Variants in GRIN2B observed in about 807,000 individuals in gnomAD.
The protein encoded by GRIN2B is glutamate receptor ionotropic, NMDA 2B.
GRIN2B carries 5 observed loss-of-function variants against 114.5 expected under a neutral mutation model. The observed-to-expected ratio is 0.04, with a 90% CI of 0.02 to 0.09. The LOEUF is 0.09. Among genes scored for constraint, GRIN2B ranks in the 10% least tolerant of loss-of-function variants. The pLI is 1.00. For missense variants in GRIN2B, 1,108 were observed against 1,943.5 expected (o/e 0.57, Z 8.08); for synonymous variants, 787 against 745.1 (o/e 1.06, Z -0.92).
At chr12:13,825,456 T>C (rs913444970) in intron 3 of GRIN2B, among the ~76,000 whole-genome samples, 6 of 146,824 alleles carry the variant, frequency 4.1e-5, no homozygotes, top group African/African-American at 9.9e-5. Flanking sequence ...TGGTAGATTT[T>C]ATATATATAT....
In GRIN2B at chr12:13,806,549, T is replaced by C. The variant is rs145568856; in HGVS notation, c.412-52634A>G. Among the ~76,000 whole-genome samples, 351 of 152,312 alleles carry C rather than the reference T, an allele frequency of 2.3e-3. 1 individual carries two copies. The highest frequency in any genetic ancestry group is 8.2e-3 in the African/African-American group (343 of 41,580). On this transcript the variant is annotated intron_variant, in intron 3 of 13. Coordinates refer to ENST00000609686, the MANE Select transcript of GRIN2B (RefSeq NM_000834.5). Reference sequence around the variant, plus strand: ...TTTGAGAAATGTCTTTTTGGGTCTGTTGCCCATTTTAAGTCAGGTTATTAG... The same window carrying C: ...TTTGAGAAATGTCTTTTTGGGTCTGCTGCCCATTTTAAGTCAGGTTATTAG...
At chr12:13,568,202 CTAGGAAGTAGGAGGAAG>C (rs1395410694) in intron 12 of GRIN2B, among the ~76,000 whole-genome samples, 1 of 152,040 alleles carries the variant, frequency 6.6e-6, no homozygotes, top group Non-Finnish European at 1.5e-5. Flanking sequence ...TCACCAGATG[CTAGGAAGTAGGAGGAAG>C]TAGGAAGAGG....
intron 4 of GRIN2B, among the ~76,000 whole-genome samples, chr12:13,735,496 T>A (rs1863161947): frequency 1.3e-5 from 2 of 152,226 alleles, no homozygotes; most frequent in Non-Finnish European, 1.5e-5. Flanking sequence ...GGAGTCAACC[T>A]CCTTTTCCCT....
At chr12:13,966,024 G>T (rs980661907) in intron 2 of GRIN2B, among the ~76,000 whole-genome samples, 1 of 152,192 alleles carries the variant, frequency 6.6e-6, no homozygotes, top group Non-Finnish European at 1.5e-5. Context: ...CTGCAGAGGA[G>T]AAAGAGCCCC....
intron 10 of GRIN2B, among the ~76,000 whole-genome samples, chr12:13,594,992 C>A (rs996184186): frequency 1.3e-5 from 2 of 152,142 alleles, no homozygotes; most frequent in African/African-American, 4.8e-5. Context: ...CACACAGAGT[C>A]CCAGCATGAC....
chr12:13,679,349 T>G (rs1950107688), intron 4 of GRIN2B, among the ~76,000 whole-genome samples: 2 of 152,176 alleles, frequency 1.3e-5, no homozygotes, highest in Non-Finnish European at 2.9e-5. Context: ...GTGTACAAGT[T>G]GAGAAATTTG....
At chr12:13,858,377 C>T (rs941095335) in intron 3 of GRIN2B, among the ~76,000 whole-genome samples, 2 of 152,084 alleles carry the variant, frequency 1.3e-5, no homozygotes, top group African/African-American at 4.8e-5. Context: ...AAATAACCAC[C>T]TTTAATGTTA....
At chr12:13,863,355 T>A (rs1865778229) in intron 3 of GRIN2B, among the ~76,000 whole-genome samples, 1 of 152,164 alleles carries the variant, frequency 6.6e-6, no homozygotes, top group African/African-American at 2.4e-5. Flanking sequence ...TCCCCCACAA[T>A]GCCATCTAAC....
At chr12:13,733,366 C>G (rs1863120549) in intron 4 of GRIN2B, among the ~76,000 whole-genome samples, 1 of 151,672 alleles carries the variant, frequency 6.6e-6, no homozygotes, top group Non-Finnish European at 1.5e-5. Flanking sequence ...AAAGTAAAAG[C>G]TCTACCAAGT....
At position 13,763,366 on chromosome 12, in the gene GRIN2B, G is replaced by A. The variant is rs78210707; in HGVS notation, c.412-9451C>T. ...CCACCCAGATGAAGCCTGTCTTTTC[G>A]TGTGCCTCCCACGTACTCAATCCAA... is the stretch of plus-strand genomic sequence containing the variant. On this transcript the variant is annotated intron_variant, in intron 3 of 13. Transcript: ENST00000609686. 6.4e-3 allele frequency among the ~76,000 whole-genome samples: 968 copies of A among 152,168 alleles called. 6 individuals carry two copies. The highest frequency in any genetic ancestry group is 0.011 in the Non-Finnish European group (752 of 68,024).
rs1373147628 is a variant in GRIN2B, at chr12:13,899,790, T to C, written c.-18-33564A>G. ...GAAGACGTAGCTATGGCCATGCTTT[T>C]TTTAGAGAAATCCACAGATGTGCTT... is the stretch of plus-strand genomic sequence containing the variant. On this transcript the variant is annotated intron_variant, in intron 2 of 13. Transcript: ENST00000609686. Among the ~76,000 whole-genome samples the C allele has an allele frequency of 2.3e-4, 26 of 113,988 alleles. 3 individuals are homozygous for C. The allele number at this position is 113,988 out of a possible 152,430, so 74.8% of individuals were successfully genotyped here.
rs549241747 is a variant in GRIN2B at position 13,547,485 on chromosome 12, C to A, written c.*15298G>T. 1 of 152,134 alleles carries A rather than the reference C, an allele frequency of 6.6e-6. No individual in the cohort carries two copies. The highest frequency in any genetic ancestry group is 2.4e-5 in the African/African-American group (1 of 41,532). 9.4% of individuals were successfully genotyped at this position (152,134 alleles called of 1,614,324 possible). A position where few individuals can be genotyped will look rare whatever the true frequency, so the allele number is the denominator to read the frequency against. ...TTAAATGAAATCTGCTGATTCTACT[C>A]TTTTTTCATGAATTTCTGTATGATA... On this transcript the variant is annotated 3_prime_UTR_variant, in exon 14 of 14. Coordinates refer to ENST00000609686, the MANE Select transcript of GRIN2B (RefSeq NM_000834.5).
intron 3 of GRIN2B, among the ~76,000 whole-genome samples, chr12:13,814,181 C>A (rs145596781): frequency 1.3e-5 from 2 of 152,166 alleles, no homozygotes; most frequent in Admixed American, 6.5e-5. Context: ...GAACTTAATG[C>A]CTAATGTACA....
At chr12:13,776,282 G>A (rs1864000346) in intron 3 of GRIN2B, among the ~76,000 whole-genome samples, 1 of 152,140 alleles carries the variant, frequency 6.6e-6, no homozygotes, top group African/African-American at 2.4e-5. Flanking sequence ...TCAGGGGTTG[G>A]TCAGGGGAAA....
At chr12:13,620,222 G>C (rs913838449) in intron 5 of GRIN2B, among the ~76,000 whole-genome samples, 3 of 152,180 alleles carry the variant, frequency 2.0e-5, no homozygotes, top group African/African-American at 7.2e-5. Context: ...GTGGTGCAGA[G>C]GCTAAATGAA....
intron 2 of GRIN2B, among the ~76,000 whole-genome samples, chr12:13,978,687 C>A (rs1198452644): frequency 6.6e-6 from 1 of 152,122 alleles, no homozygotes; most frequent in African/African-American, 2.4e-5. Flanking sequence ...AGATCTTTAT[C>A]CCAACCTGAT....
chr12:13,607,880 G>A (rs756548285), intron 10 of GRIN2B, among the ~76,000 whole-genome samples: 5 of 152,158 alleles, frequency 3.3e-5, no homozygotes, highest in Non-Finnish European at 7.3e-5. Flanking sequence ...TGGTTACATA[G>A]TTTCAGGAGA....
intron 4 of GRIN2B, among the ~76,000 whole-genome samples, chr12:13,749,264 C>T (rs1486188426): frequency 1.3e-5 from 2 of 152,228 alleles, no homozygotes; most frequent in African/African-American, 2.4e-5. Context: ...AACCTCTTCT[C>T]TCCATCCCCT....
chr12:13,827,224 G>GC (rs1865056083), intron 3 of GRIN2B, among the ~76,000 whole-genome samples: 2 of 34,508 alleles, frequency 5.8e-5, no homozygotes, highest in African/African-American at 1.2e-4. Context: ...CCTTATTGTT[G>GC]TTTTCTTTTT....
Sources: allele counts gnomAD v4.1 joint callset (sites outside exome capture counted in the v4.1 genomes callset), GRCh38; gene constraint gnomAD v4.1.1; transcripts MANE v1.5; gene names NCBI Gene and HGNC (gene_info 2026-07-23, HGNC 2026-07-21).